Variants in DDB1 observed in about 807,000 individuals in gnomAD.
DDB1 encodes damage specific DNA binding protein 1.
In DDB1, 18 loss-of-function variants were observed where a neutral mutation model predicts 133.1. That is an observed-to-expected ratio of 0.14 (90% CI 0.09 to 0.20). DDB1 has a LOEUF of 0.20. Among genes scored for constraint, DDB1 ranks in the 10% least tolerant of loss-of-function variants. DDB1 has a pLI of 1.00. For synonymous variants in DDB1, 580 were observed against 550.5 expected (o/e 1.05, Z -0.75); for missense variants, 828 against 1,459.2 (o/e 0.57, Z 7.05).
At chr11:61,327,234 C>A (rs1379639278) in intron 4 of DDB1, among the ~76,000 whole-genome samples, 4 of 152,208 alleles carry the variant, frequency 2.6e-5, no homozygotes, top group African/African-American at 9.6e-5. Context: ...CTTTGGAAGG[C>A]TGAGGTGGGC....
chr11:61,309,186 C>T, intron 20 of DDB1, 109 bp from the exon 21 acceptor site: 1 of 997,412 alleles, frequency 1.0e-6, no homozygotes, highest in Non-Finnish European at 1.6e-6. Flanking sequence ...CAAAACCACT[C>T]ATCTAAAAAA....
intron 4 of DDB1, 49 bp from the exon 5 acceptor site, chr11:61,326,942 G>T (rs752063459): frequency 9.9e-6 from 14 of 1,418,460 alleles, no homozygotes; most frequent in Non-Finnish European, 1.4e-5. Context: ...GTGAGCCTTG[G>T]GCTAGAGAGA....
intron 6 of DDB1, among the ~76,000 whole-genome samples, chr11:61,324,971 A>G (rs995183054): frequency 6.6e-6 from 1 of 152,086 alleles, no homozygotes; most frequent in Non-Finnish European, 1.5e-5. Flanking sequence ...CAACATGGAG[A>G]AACCCCATCT....
At chr11:61,305,434 G>A (rs1458607550) in intron 21 of DDB1, among the ~76,000 whole-genome samples, 1 of 152,190 alleles carries the variant, frequency 6.6e-6, no homozygotes, top group African/African-American at 2.4e-5. Context: ...TTCAACCAGG[G>A]AGTCGGAGGT....
intron 21 of DDB1, among the ~76,000 whole-genome samples, chr11:61,305,713 G>A (rs116560123): frequency 1.6e-3 from 246 of 152,128 alleles, no homozygotes; most frequent in African/African-American, 5.6e-3. Flanking sequence ...CCTCCCCATC[G>A]CCTTGGAGAG....
In DDB1 at chr11:61,305,841, T is replaced by C. The variant is rs142325546; in HGVS notation, c.2662-1806A>G. Among the ~76,000 whole-genome samples the C allele has an allele frequency of 6.7e-3, 1,017 of 152,316 alleles. 4 individuals are homozygous for C. The highest frequency in any genetic ancestry group is 9.5e-3 in the Non-Finnish European group (643 of 68,026). On this transcript the variant is annotated intron_variant, in intron 21 of 26. Transcript: ENST00000301764. ...CTAGCCACACATGGCTATGAAACAC[T>C]TGAAATGTGCCTAGTCCATGTTGAG...
Position 61,303,195 on chromosome 11 carries a change from A to C in DDB1, c.2833-40T>G, listed in dbSNP as rs1855828158. ...GGTGAAAGAAGAAAGCATAATCAGC[A>C]GTTTGCACGGAATCCAGTTCTGGGA... On this transcript the variant is annotated intron_variant, in intron 22 of 26. Coordinates refer to ENST00000301764, the MANE Select transcript of DDB1 (RefSeq NM_001923.5). 10 of 1,581,616 alleles carry C rather than the reference A, an allele frequency of 6.3e-6. No individual in the cohort carries two copies. The East Asian group carries it at 2.2e-4, about 35-fold the overall frequency.
intron 4 of DDB1, among the ~76,000 whole-genome samples, chr11:61,327,247 A>G (rs1565038330): frequency 2.0e-5 from 3 of 152,214 alleles, no homozygotes; most frequent in Admixed American, 2.0e-4. Context: ...AGGTGGGCAG[A>G]TCACCTGAGG....
intron 1 of DDB1, chr11:61,332,691 G>C: frequency 2.3e-6 from 1 of 426,328 alleles, no homozygotes; most frequent in Non-Finnish European, 4.1e-6. Context: ...TCCCCAGGAC[G>C]AAAGGGGACC....
At chr11:61,327,105 A>G (rs1856282367) in intron 4 of DDB1, among the ~76,000 whole-genome samples, 1 of 152,192 alleles carries the variant, frequency 6.6e-6, no homozygotes, top group Non-Finnish European at 1.5e-5. Context: ...ACCATTCTTA[A>G]CAATTCAACC....
chr11:61,324,670 C>A (rs1856240632), intron 6 of DDB1, among the ~76,000 whole-genome samples: 1 of 152,090 alleles, frequency 6.6e-6, no homozygotes, highest in Non-Finnish European at 1.5e-5. Context: ...CAGGAACTTG[C>A]CACTGTAGCC....
intron 1 of DDB1, chr11:61,332,336 T>G (rs2134947186): frequency 6.5e-6 from 1 of 153,274 alleles, no homozygotes; most frequent in African/African-American, 2.4e-5. Context: ...ATCGGTGTCC[T>G]TAACAATCCA....
At chr11:61,316,191 TA>T in intron 12 of DDB1, 93 bp downstream of exon 12, 3 of 1,065,034 alleles carry the variant, frequency 2.8e-6, no homozygotes, top group South Asian at 1.4e-5. Flanking sequence ...TTTGGAGCCA[TA>T]AAAATTGGTT....
At chr11:61,306,498 T>G (rs564707915) in intron 21 of DDB1, among the ~76,000 whole-genome samples, 1 of 152,158 alleles carries the variant, frequency 6.6e-6, no homozygotes, top group South Asian at 2.1e-4. Context: ...CCACACAACC[T>G]CCTATAAGTC....
In DDB1 at chr11:61,312,149, C is replaced by T. The variant is rs754603921; in HGVS notation, c.2070-65G>A. 153 of 1,432,292 alleles carry T rather than the reference C, an allele frequency of 1.1e-4. 3 individuals carry two copies. The highest frequency in any genetic ancestry group is 1.0e-3 in the South Asian group (89 of 87,338). The allele number at this position is 1,432,292 out of a possible 1,614,324, so 88.7% of individuals were successfully genotyped here. A position where few individuals can be genotyped will look rare whatever the true frequency, so the allele number is the denominator to read the frequency against. ...GGAAGGCAAAGATTCTATGAGGCAA[C>T]TCCACAGAGGAAGAAAAACAAGGCA... is the stretch of plus-strand genomic sequence containing the variant. On this transcript the variant is annotated intron_variant, in intron 16 of 26. Transcript: ENST00000301764.
In DDB1 at chr11:61,311,822, C is replaced by G. The variant is rs1378547011; in HGVS notation, c.2239G>C (p.Gly747Arg). ...CTGGGCCTCAAGGCTGTCGTGCCCC[C>G]ACTCGTGTCTTGGACTTCAATGCGG... is the stretch of plus-strand genomic sequence containing the variant. ...SSRIEVQDTS[G>R]GTTALRPSAS... The change falls in exon 18 of 27, where the codon GGG becomes CGG. Residue 747 changes from glycine to arginine, a missense_variant. Coordinates refer to ENST00000301764, the MANE Select transcript of DDB1 (RefSeq NM_001923.5). 4 of 1,613,890 alleles carry G rather than the reference C, an allele frequency of 2.5e-6. No homozygotes were observed. Among genetic ancestry groups the G allele is most frequent in the South Asian group, 1.1e-5 (1 of 91,084 alleles).
chr11:61,332,806 G>T, intron 1 of DDB1, 102 bp downstream of exon 1: 1 of 1,043,264 alleles, frequency 9.6e-7, no homozygotes, highest in Non-Finnish European at 1.3e-6. Context: ...CCATTCGCCG[G>T]GCCCACTCCT....
intron 10 of DDB1, among the ~76,000 whole-genome samples, chr11:61,320,882 C>T (rs1856166557): frequency 6.6e-6 from 1 of 151,506 alleles, no homozygotes; most frequent in Non-Finnish European, 1.5e-5. Flanking sequence ...ACTGTGTAGC[C>T]TCTCTTTTTT....
At chr11:61,325,558 G>A in intron 6 of DDB1, 53 bp downstream of exon 6, 1 of 1,457,382 alleles carries the variant, frequency 6.9e-7, no homozygotes, top group Non-Finnish European at 9.5e-7. Flanking sequence ...GAGGAGCAAG[G>A]TGAGGACAAG....
Sources: allele counts gnomAD v4.1 joint callset (sites outside exome capture counted in the v4.1 genomes callset), GRCh38; gene constraint gnomAD v4.1.1; transcripts MANE v1.5; gene names NCBI Gene and HGNC (gene_info 2026-07-23, HGNC 2026-07-21).